The following SH3TC1 variants were observed in gnomAD, a reference collection of about 807,000 sequenced individuals.
SH3TC1 encodes the protein SH3 domain and tetratricopeptide repeat-containing protein 1.
SH3TC1 carries 135 observed loss-of-function variants against 117.3 expected under a neutral mutation model. The observed-to-expected ratio is 1.15, with a 90% confidence interval of 1.00 to 1.33. The LOEUF (loss-of-function observed/expected upper bound fraction) is 1.33, where lower values mean the gene tolerates loss of function less well. Among genes scored for constraint, SH3TC1 ranks in the 40% most tolerant of loss-of-function variants. SH3TC1 has a pLI of 0.00. For synonymous variants in SH3TC1, 898 were observed against 816.9 expected (o/e 1.10, Z -1.69); for missense variants, 2,092 against 1,794.3 (o/e 1.17, Z -3.00).
At chr4:8,232,321 G>A (rs750575232) in intron 13 of SH3TC1, 165 bp downstream of exon 13, 199 of 1,512,242 alleles carry the variant, frequency 1.3e-4, no homozygotes, top group Non-Finnish European at 1.7e-4. Flanking sequence ...GGTTGTCCCA[G>A]GGCTGCTGAT....
rs1049779109 is a variant in SH3TC1, at chr4:8,235,731, A to C, written c.3405+176A>C. ...TTGACTGTGCCCCCCGCCCGGGACA[A>C]ACACTTGGGGCCTGGACACAGCAAT... On this transcript the variant is annotated intron_variant, in intron 15 of 17. Transcript: ENST00000245105. The C allele has an allele frequency of 3.4e-6, 3 of 874,700 alleles. No individual in the cohort carries two copies. In the African/African-American group the frequency reaches 5.1e-5, roughly 15 times the overall value. The allele number at this position is 874,700 out of a possible 1,614,324, so 54.2% of individuals were successfully genotyped here.
rs1718545972 is a variant in SH3TC1 at position 8,210,259 on chromosome 4, C to T, written c.247+437C>T. Among the ~76,000 whole-genome samples the T allele has an allele frequency of 6.6e-6, 1 of 152,170 alleles. No individual in the cohort carries two copies. The highest frequency in any genetic ancestry group is 2.4e-5 in the African/African-American group (1 of 41,448). On this transcript the variant is annotated intron_variant, in intron 3 of 17. Transcript: ENST00000245105. This position sits in a 1 kb window ranked among gnomAD's most constrained non-coding sequence, Gnocchi z 4.1. ...CGGGGAGCAGAGCCCACAAAGGGGG[C>T]CCAGGAAGCTGCTGGCTGTGAAGGT...
chr4:8,197,454 G>A (rs539532729), upstream of SH3TC1, among the ~76,000 whole-genome samples: 94 of 152,370 alleles, frequency 6.2e-4, no homozygotes, highest in African/African-American at 2.2e-3. Flanking sequence ...CGCAGCCGGG[G>A]CTGGGGAGCC....
chr4:8,208,174 C>G (rs1280606533), intron 2 of SH3TC1, among the ~76,000 whole-genome samples: 1 of 152,218 alleles, frequency 6.6e-6, no homozygotes, highest in Non-Finnish European at 1.5e-5. Flanking sequence ...GCCAGGGGCT[C>G]AGATCTTCTT....
At position 8,232,055 on chromosome 4, in the gene SH3TC1, T is replaced by C. The variant is rs750581940; in HGVS notation, c.3030T>C (p.His1010=). The change falls in exon 13 of 18, where the codon CAT becomes CAC. Residue 1010 remains histidine, a synonymous_variant. Transcript: ENST00000245105. ...GCGAGGCCCAGTGTGTCATCTACCA[T>C]GAGCTCCAGCTCTCCCTGGCCTGCA... ...MPSEAQCVIY[H]ELQLSLACKV... 3.1e-6 allele frequency: 5 copies of C among 1,613,380 alleles called. No individual in the cohort carries two copies. In the Admixed American group the frequency reaches 8.3e-5, roughly 27 times the overall value.
intron 14 of SH3TC1, among the ~76,000 whole-genome samples, chr4:8,233,757 A>ATCAT (rs1721483127): frequency 8.4e-5 from 1 of 11,970 alleles, no homozygotes; most frequent in South Asian, 7.2e-3. Flanking sequence ...CCATCCATCC[A>ATCAT]TCATCCATCC....
upstream of SH3TC1, among the ~76,000 whole-genome samples, chr4:8,197,208 T>C (rs1578640885): frequency 1.3e-5 from 2 of 152,014 alleles, no homozygotes; most frequent in South Asian, 2.1e-4. Context: ...AGCCGGAGCA[T>C]ACCTGGAGCC....
intron 1 of SH3TC1, among the ~76,000 whole-genome samples, chr4:8,189,818 C>T (rs1024957388): frequency 6.6e-5 from 10 of 152,142 alleles, no homozygotes; most frequent in African/African-American, 1.7e-4. Flanking sequence ...AAGACCCCGC[C>T]GGCGTGAGCT....
chr4:8,219,334 G>A lies in SH3TC1; in HGVS notation c.917-1G>A, dbSNP rs768319393. On this transcript the variant is annotated splice_acceptor_variant, in intron 8 of 17. Coordinates refer to ENST00000245105, the MANE Select transcript of SH3TC1 (RefSeq NM_018986.5). LOFTEE classifies it high-confidence loss of function. The stretch of plus-strand genomic sequence containing the variant: ...ACTCACCATGTGGCTTTCTTCCGCA[G>A]CTGTGGGCCTGGCCTCGGCATTGGC... The A allele has an allele frequency of 2.5e-6, 4 of 1,584,600 alleles. No homozygotes were observed. The highest frequency in any genetic ancestry group is 3.4e-6 in the Non-Finnish European group (4 of 1,161,038).
At chr4:8,218,635 A>G (rs1011937090) in intron 8 of SH3TC1, among the ~76,000 whole-genome samples, 4 of 152,218 alleles carry the variant, frequency 2.6e-5, no homozygotes, top group African/African-American at 9.6e-5. Context: ...GCCCCCGGCC[A>G]CTGTCTGCAA....
At chr4:8,235,602 C>T (rs776052550) in intron 15 of SH3TC1, 47 bp downstream of exon 15, 1 of 1,510,948 alleles carries the variant, frequency 6.6e-7, no homozygotes, top group Non-Finnish European at 8.9e-7. Context: ...GGGGGGGCAC[C>T]TTGAGGGCTG....
At chr4:8,191,033 G>T (rs1407468993) in intron 1 of SH3TC1, among the ~76,000 whole-genome samples, 2 of 152,218 alleles carry the variant, frequency 1.3e-5, no homozygotes, top group African/African-American at 4.8e-5. Context: ...CAGGGCTGCT[G>T]TGGGGGCTCC....
intron 17 of SH3TC1, among the ~76,000 whole-genome samples, chr4:8,239,742 G>C (rs1722166403): frequency 6.6e-6 from 1 of 152,208 alleles, no homozygotes; most frequent in South Asian, 2.1e-4. Flanking sequence ...GGGCCTCCTG[G>C]GCCCCCACAG....
chr4:8,222,723 C>A, intron 9 of SH3TC1, 117 bp from the exon 10 acceptor site: 1 of 1,282,710 alleles, frequency 7.8e-7, no homozygotes, highest in Non-Finnish European at 1.1e-6. Context: ...TACCCCTGGG[C>A]AGAGAGTAGT....
In SH3TC1 at chr4:8,241,086, G is replaced by GTT. The variant is rs61463958; in HGVS notation, c.*140_*141dup. 1.0e-4 allele frequency: 112 copies of GTT among 1,104,344 alleles called. No homozygotes were observed. Among genetic ancestry groups the GTT allele is most frequent in the African/African-American group, 1.9e-4 (12 of 61,804 alleles). 68.4% of individuals were successfully genotyped at this position (1,104,344 alleles called of 1,614,324 possible). ...GGCCAAATAGCAATAAATGGGTTTT[G>GTT]TTTTTTTTTTGCAATAACTTATTGA... is the stretch of plus-strand genomic sequence containing the variant. On this transcript the variant is annotated 3_prime_UTR_variant, in exon 18 of 18. Transcript: ENST00000245105.
intron 1 of SH3TC1, among the ~76,000 whole-genome samples, chr4:8,191,700 A>G (rs1717420589): frequency 6.6e-6 from 1 of 152,124 alleles, no homozygotes; most frequent in African/African-American, 2.4e-5. Context: ...CAGAGGAATC[A>G]ACTCAGGAAG....
At chr4:8,219,551 C>T (rs187138334) in intron 9 of SH3TC1, 21 bp downstream of exon 9, 56 of 1,499,756 alleles carry the variant, frequency 3.7e-5, no homozygotes, top group Non-Finnish European at 4.8e-5. Flanking sequence ...GGAGCCCCGC[C>T]CCTTTCCTGA....
At chr4:8,224,359 T>C (rs1228084230) in intron 10 of SH3TC1, among the ~76,000 whole-genome samples, 3 of 152,206 alleles carry the variant, frequency 2.0e-5, no homozygotes, top group African/African-American at 7.2e-5. Context: ...CCTCAGCATA[T>C]CAAGGCTCAG....
chr4:8,234,582 C>CCCAT (rs369852001), intron 14 of SH3TC1, among the ~76,000 whole-genome samples: 44 of 76,722 alleles, frequency 5.7e-4, no homozygotes, highest in Admixed American at 1.2e-3. Context: ...CATCCATCCA[C>CCCAT]CCATCCATCC....
Sources: allele counts gnomAD v4.1 joint callset (sites outside exome capture counted in the v4.1 genomes callset), GRCh38; gene constraint gnomAD v4.1.1; non-coding constraint Gnocchi (gnomAD v3.1); transcripts MANE v1.5; gene names NCBI Gene and HGNC (gene_info 2026-07-23, HGNC 2026-07-21).